SNTG1: variants seen among roughly 807,000 people sequenced by gnomAD.
The protein encoded by SNTG1 is syntrophin gamma 1, also known as gamma-1-syntrophin.
A neutral mutation model predicts 74.7 loss-of-function variants in SNTG1; 39 were observed. The observed-to-expected ratio is 0.52, with a 90% CI of 0.40 to 0.68. The LOEUF is 0.68. Among genes scored for constraint, SNTG1 ranks in the 30% least tolerant of loss-of-function variants. SNTG1 has a pLI of 0.00. For synonymous variants in SNTG1, 254 were observed against 217.1 expected (o/e 1.17, Z -1.49); for missense variants, 685 against 609.5 (o/e 1.12, Z -1.30).
At chr8:50,727,893 C>A (rs1164782907) in intron 17 of SNTG1, among the ~76,000 whole-genome samples, 1 of 152,162 alleles carries the variant, frequency 6.6e-6, no homozygotes, top group Non-Finnish European at 1.5e-5. Context: ...CCTCCTACCT[C>A]CTGATTGTGT....
chr8:50,072,908 T>C lies in SNTG1; in HGVS notation c.-102-99653T>C, dbSNP rs185179316. Among the ~76,000 whole-genome samples the C allele has an allele frequency of 4.8e-3, 724 of 152,324 alleles. 2 individuals carry two copies. The highest frequency in any genetic ancestry group is 8.9e-3 in the Non-Finnish European group (603 of 68,024). On this transcript the variant is annotated intron_variant, in intron 1 of 18. Transcript: ENST00000642720. ...ACAATGTACATAATTTAAAATTATT[T>C]ATAACTAAAAAATGCTCACAGTCAT...
intron 1 of SNTG1, among the ~76,000 whole-genome samples, chr8:50,129,271 G>A (rs1046584819): frequency 2.6e-5 from 4 of 151,986 alleles, no homozygotes; most frequent in African/African-American, 9.7e-5. Context: ...TCAGAGCATC[G>A]CATATGGCAT....
At chr8:50,518,525 C>A (rs1167718687) in intron 9 of SNTG1, among the ~76,000 whole-genome samples, 2 of 151,770 alleles carry the variant, frequency 1.3e-5, no homozygotes, top group Non-Finnish European at 2.9e-5. Context: ...GGGGCTGTTT[C>A]TTTTGAAAAG....
intron 10 of SNTG1, among the ~76,000 whole-genome samples, chr8:50,530,647 A>AT (rs1201545313): frequency 3.3e-5 from 5 of 152,074 alleles, no homozygotes; most frequent in African/African-American, 4.8e-5. Flanking sequence ...ATTTGTTAGG[A>AT]TTTTTTTAGC....
At chr8:50,215,682 C>G (rs1479135032) in intron 2 of SNTG1, among the ~76,000 whole-genome samples, 1 of 151,806 alleles carries the variant, frequency 6.6e-6, no homozygotes, top group South Asian at 2.1e-4. Context: ...AGGTACTCAT[C>G]GAATCCAAGC....
At chr8:50,292,220 G>A (rs1034805116) in intron 2 of SNTG1, among the ~76,000 whole-genome samples, 2 of 152,150 alleles carry the variant, frequency 1.3e-5, no homozygotes, top group African/African-American at 4.8e-5. Flanking sequence ...AGCCAGATGA[G>A]TAAGGAAGAC....
intron 1 of SNTG1, among the ~76,000 whole-genome samples, chr8:49,917,362 C>T (rs138550333): frequency 4.2e-4 from 64 of 152,238 alleles, no homozygotes; most frequent in African/African-American, 1.2e-3. Flanking sequence ...AAAATGTTTC[C>T]GTGCTCTCAT....
At chr8:50,569,104 G>A (rs1392736539) in intron 12 of SNTG1, 2 of 152,172 alleles carry the variant, frequency 1.3e-5, no homozygotes, top group Admixed American at 6.6e-5. Flanking sequence ...ATGGGGTCGG[G>A]TAAGACAAGT....
intron 13 of SNTG1, chr8:50,644,365 C>T (rs2095093448): frequency 6.6e-6 from 1 of 152,258 alleles, no homozygotes; most frequent in Non-Finnish European, 1.5e-5. Context: ...ACAAATACCT[C>T]CTCTTCCTCT....
Position 50,518,027 on chromosome 8 carries a change from T to G in SNTG1, c.467-12150T>G, listed in dbSNP as rs368205099. On this transcript the variant is annotated intron_variant, in intron 9 of 18. Coordinates refer to ENST00000642720, the MANE Select transcript of SNTG1 (RefSeq NM_018967.5). ...CATTCTTCTTAGCACCACATCACAC[T>G]TATTCTAAAATTGACCACACAATTG... 2.6e-4 allele frequency among the ~76,000 whole-genome samples: 39 copies of G among 152,200 alleles called. 1 individual carries two copies. The highest frequency in any genetic ancestry group is 1.2e-3 in the Admixed American group (19 of 15,286).
intron 18 of SNTG1, among the ~76,000 whole-genome samples, chr8:50,773,769 T>C (rs997689390): frequency 6.6e-6 from 1 of 152,112 alleles, no homozygotes; most frequent in Admixed American, 6.6e-5. Context: ...GAAGCTTTCT[T>C]TGAGGAAAAC....
intron 5 of SNTG1, among the ~76,000 whole-genome samples, chr8:50,442,666 A>C (rs2093368321): frequency 7.8e-6 from 1 of 128,440 alleles, no homozygotes; most frequent in Admixed American, 8.5e-5. Flanking sequence ...TCTTTGTATT[A>C]ATTTGTCTAT....
intron 1 of SNTG1, among the ~76,000 whole-genome samples, chr8:50,066,293 G>T (rs548735109): frequency 1.3e-5 from 2 of 151,514 alleles, no homozygotes; most frequent in African/African-American, 4.9e-5. Context: ...ACTTTACTGC[G>T]GTATACTTGA....
At chr8:50,536,584 GA>G in intron 10 of SNTG1, 93 bp from the exon 11 acceptor site, 1 of 1,449,558 alleles carries the variant, frequency 6.9e-7, no homozygotes, top group Non-Finnish European at 9.3e-7. Flanking sequence ...TCATTTAGGG[GA>G]AAAATAATAT....
intron 2 of SNTG1, among the ~76,000 whole-genome samples, chr8:50,278,653 A>G (rs2088255033): frequency 1.3e-5 from 2 of 152,096 alleles, no homozygotes; most frequent in South Asian, 4.1e-4. Context: ...CTAAATCAGT[A>G]ATCTCAAACA....
chr8:50,727,329 A>G (rs2095502546), intron 17 of SNTG1, among the ~76,000 whole-genome samples: 1 of 152,182 alleles, frequency 6.6e-6, no homozygotes, highest in African/African-American at 2.4e-5. Flanking sequence ...CTTCAAATAT[A>G]TCAATTTTAA....
intron 13 of SNTG1, among the ~76,000 whole-genome samples, chr8:50,595,535 T>G (rs2094721577): frequency 6.6e-6 from 1 of 152,106 alleles, no homozygotes; most frequent in Non-Finnish European, 1.5e-5. Context: ...AATAGAAAGT[T>G]GTATATGTGT....
chr8:50,005,304 AT>A (rs1162138085), intron 1 of SNTG1, among the ~76,000 whole-genome samples: 2 of 152,040 alleles, frequency 1.3e-5, no homozygotes, highest in South Asian at 2.1e-4. Flanking sequence ...AAATGCAGGA[AT>A]TTTTTAAGGT....
In SNTG1 at chr8:50,792,853, A is replaced by G. The variant is rs1294120697; in HGVS notation, c.*24A>G. On this transcript the variant is annotated 3_prime_UTR_variant, in exon 19 of 19. Transcript: ENST00000642720. The stretch of plus-strand genomic sequence containing the variant: ...GACATACTGAACTCTTCATTGACAC[A>G]CCCCATGACTGTATAAGCAGGACAC... The G allele has an allele frequency of 6.3e-7, 1 of 1,597,040 alleles. No homozygotes were observed. Among genetic ancestry groups the G allele is most frequent in the Admixed American group, 1.7e-5 (1 of 58,442 alleles).
Sources: allele counts gnomAD v4.1 joint callset (sites outside exome capture counted in the v4.1 genomes callset), GRCh38; gene constraint gnomAD v4.1.1; transcripts MANE v1.5; gene names NCBI Gene and HGNC (gene_info 2026-07-23, HGNC 2026-07-21).